C1QTNF7: variants seen among roughly 807,000 people sequenced by gnomAD.
C1QTNF7 encodes complement C1q tumor necrosis factor-related protein 7.
In C1QTNF7, 15 loss-of-function variants were observed where a neutral mutation model predicts 19.6. The ratio of observed to expected loss-of-function variants is 0.76; its 90% CI spans 0.51 to 1.18. The LOEUF is 1.18. Ranked by LOEUF, C1QTNF7 falls within the 50% of genes most tolerant of loss-of-function variation. C1QTNF7 has a pLI of 0.00. For synonymous variants in C1QTNF7, 142 were observed against 137.5 expected (o/e 1.03, Z -0.23); for missense variants, 324 against 359.7 (o/e 0.90, Z 0.80).
intron 1 of C1QTNF7, chr4:15,362,412 A>T (rs1717374893): frequency 6.6e-6 from 1 of 151,932 alleles, no homozygotes; most frequent in Non-Finnish European, 1.5e-5. Context: ...TACTTTTCCT[A>T]CCTAAGTCAG....
intron 1 of C1QTNF7, among the ~76,000 whole-genome samples, chr4:15,382,910 A>G (rs755207514): frequency 6.6e-6 from 1 of 152,244 alleles, no homozygotes; most frequent in African/African-American, 2.4e-5. Flanking sequence ...CGCCAAAGTC[A>G]TTACATGTTC....
chr4:15,356,411 C>T (rs1488559919), intron 1 of C1QTNF7, among the ~76,000 whole-genome samples: 2 of 152,118 alleles, frequency 1.3e-5, no homozygotes, highest in Non-Finnish European at 2.9e-5. Context: ...CATCCATGTC[C>T]CTGCAAAGGA....
upstream of C1QTNF7, among the ~76,000 whole-genome samples, chr4:15,425,676 T>C (rs1269373253): frequency 6.6e-6 from 1 of 152,184 alleles, no homozygotes; most frequent in African/African-American, 2.4e-5. Context: ...TCAGACTGTC[T>C]AAATTACTCA....
chr4:15,416,509 G>A (rs1208166193), intron 1 of C1QTNF7, among the ~76,000 whole-genome samples: 5 of 152,166 alleles, frequency 3.3e-5, no homozygotes, highest in Admixed American at 6.5e-5. Context: ...CACGTGCACA[G>A]TGCCTGGACC....
At chr4:15,410,030 T>G (rs1719348887) in intron 1 of C1QTNF7, among the ~76,000 whole-genome samples, 1 of 152,190 alleles carries the variant, frequency 6.6e-6, no homozygotes, top group African/African-American at 2.4e-5. Context: ...AAAGTGTATG[T>G]GCTAAAACAG....
intron 1 of C1QTNF7, among the ~76,000 whole-genome samples, chr4:15,359,283 C>T (rs1560340890): frequency 6.6e-6 from 1 of 152,108 alleles, no homozygotes. Context: ...ATGAAAGAGA[C>T]CACAGAAAAA....
chr4:15,444,195 T>C lies in C1QTNF7; in HGVS notation c.*1396T>C, dbSNP rs1312061525. 6.6e-6 allele frequency: 1 copy of C among 152,204 alleles called. No homozygotes were observed. The highest frequency in any genetic ancestry group is 1.5e-5 in the Non-Finnish European group (1 of 68,040). 9.4% of individuals were successfully genotyped at this position (152,204 alleles called of 1,614,324 possible). On this transcript the variant is annotated 3_prime_UTR_variant, in exon 3 of 3. Transcript: ENST00000444304. ...TCTCTGCTCATTGACTTATAAATAGTTTTCATACCTCTTATGTTTGAATCA... is the reference window on the plus strand; with the variant it reads ...TCTCTGCTCATTGACTTATAAATAGCTTTCATACCTCTTATGTTTGAATCA...
chr4:15,410,374 G>C (rs1719363251), intron 1 of C1QTNF7, among the ~76,000 whole-genome samples: 1 of 152,124 alleles, frequency 6.6e-6, no homozygotes, highest in Admixed American at 6.5e-5. Context: ...GTTAACGTGT[G>C]AGCTTTATCA....
intron 1 of C1QTNF7, among the ~76,000 whole-genome samples, chr4:15,419,134 A>G (rs1711611530): frequency 6.6e-6 from 1 of 152,250 alleles, no homozygotes; most frequent in African/African-American, 2.4e-5. Context: ...TACAGGGACA[A>G]GGCAGTGTAA....
intron 1 of C1QTNF7, among the ~76,000 whole-genome samples, chr4:15,351,366 AAC>A (rs1197145281): frequency 6.6e-6 from 1 of 152,188 alleles, no homozygotes; most frequent in Non-Finnish European, 1.5e-5. Flanking sequence ...ACACCATAGT[AAC>A]AACTAAAACT....
chr4:15,373,801 T>A (rs1472390190), intron 1 of C1QTNF7: 1 of 152,124 alleles, frequency 6.6e-6, no homozygotes, highest in Non-Finnish European at 1.5e-5. Context: ...TACTCCTCCT[T>A]CTCCATCCAA....
chr4:15,350,321 A>AGGG (rs1307912116), intron 1 of C1QTNF7, among the ~76,000 whole-genome samples: 9,341 of 49,070 alleles, frequency 0.19, 2,706 homozygotes, highest in African/African-American at 0.28. Context: ...GGAGGGAAGG[A>AGGG]AGGAGGAAAG....
intron 1 of C1QTNF7, among the ~76,000 whole-genome samples, chr4:15,347,340 C>A (rs1405889245): frequency 6.6e-6 from 1 of 152,214 alleles, no homozygotes; most frequent in African/African-American, 2.4e-5. Flanking sequence ...GTCTCGCATT[C>A]TCATCTTTGC....
At chr4:15,381,340 C>G (rs1718134709) in intron 1 of C1QTNF7, among the ~76,000 whole-genome samples, 1 of 150,932 alleles carries the variant, frequency 6.6e-6, no homozygotes, top group Non-Finnish European at 1.5e-5. Context: ...TGTCGTGAAC[C>G]TGGGAGGCAG....
intron 1 of C1QTNF7, among the ~76,000 whole-genome samples, chr4:15,371,507 G>C (rs1717724398): frequency 6.6e-6 from 1 of 152,154 alleles, no homozygotes; most frequent in Admixed American, 6.5e-5. Flanking sequence ...CCTGGCTTCA[G>C]GGAGCTTACA....
chr4:15,403,902 A>G lies in C1QTNF7; in HGVS notation c.14-31834A>G, dbSNP rs548966254. 5.1e-4 allele frequency among the ~76,000 whole-genome samples: 77 copies of G among 152,354 alleles called. 1 individual carries two copies. Among genetic ancestry groups the G allele is most frequent in the African/African-American group, 1.7e-3 (72 of 41,590 alleles). On this transcript the variant is annotated intron_variant, in intron 1 of 2. Coordinates refer to the C1QTNF7 transcript ENST00000295297. ...TGATATAAAATACCTAAATTTTAAA[A>G]ACAAAAATGTCCTCTATTTTTAACA...
At chr4:15,385,613 G>A (rs2108894537) in intron 1 of C1QTNF7, among the ~76,000 whole-genome samples, 1 of 152,338 alleles carries the variant, frequency 6.6e-6, no homozygotes, top group South Asian at 2.1e-4. Flanking sequence ...TCTATCCTGG[G>A]AGAGGTGGGA....
rs965002178 is a variant in C1QTNF7, at chr4:15,350,829, G to A, written c.13+10622G>A. Among the ~76,000 whole-genome samples the A allele has an allele frequency of 4.6e-5, 7 of 152,166 alleles. No individual in the cohort carries two copies. The East Asian group carries it at 1.3e-3, about 29-fold the overall frequency. On this transcript the variant is annotated intron_variant, in intron 1 of 2. Transcript: ENST00000295297. The stretch of plus-strand genomic sequence containing the variant: ...TGCCCCGGAGAAAGAAAAACTAATG[G>A]GAAATAGGAGACTGATTTCAGGTAT...
Position 15,442,302 on chromosome 4 carries a change from G to A in C1QTNF7, c.373G>A (p.Gly125Arg). Residue 125 changes from glycine to arginine, a missense_variant, in exon 3 of 3, where the codon GGA (glycine) becomes AGA (arginine). By Grantham distance (125) the Gly-to-Arg change is moderately radical. Coordinates refer to ENST00000444304, the MANE Select transcript of C1QTNF7 (RefSeq NM_031911.5). ...TCCAATTGGTCCTCCTGGACCAAAG[G>A]GAGACAGAGGAGAACAAGGGGACCC... ...VGPIGPPGPK[G>R]DRGEQGDPGL... is the part of the protein sequence containing the mutation. 1 of 1,614,096 alleles carries A rather than the reference G, an allele frequency of 6.2e-7. No individual in the cohort carries two copies. Among genetic ancestry groups the A allele is most frequent in the Non-Finnish European group, 8.5e-7 (1 of 1,180,034 alleles).
Sources: allele counts gnomAD v4.1 joint callset (sites outside exome capture counted in the v4.1 genomes callset), GRCh38; gene constraint gnomAD v4.1.1; transcripts MANE v1.5; gene names NCBI Gene and HGNC (gene_info 2026-07-23, HGNC 2026-07-21).